The following LYPD8 variants were observed in gnomAD, a reference collection of about 807,000 sequenced individuals.
The protein encoded by LYPD8 is LY6/PLAUR domain containing 8.
A neutral mutation model predicts 1.7 loss-of-function variants in LYPD8; 8 were observed. The observed-to-expected ratio is 4.58, with a 90% CI of 2.69 to 8.27. The LOEUF is 8.27. Among genes scored for constraint, LYPD8 ranks in the 30% most tolerant of loss-of-function variants. The pLI, the probability that LYPD8 is intolerant of heterozygous loss-of-function variation, is 0.00. For missense variants in LYPD8, 112 were observed against 102.3 expected (o/e 1.09, Z -0.41); for synonymous variants, 50 against 43.6 (o/e 1.15, Z -0.58).
chr1:248,740,437 G>A (rs1273234942), intron 6 of LYPD8, among the ~76,000 whole-genome samples: 1 of 152,240 alleles, frequency 6.6e-6, no homozygotes, highest in East Asian at 1.9e-4. Flanking sequence ...TGAGATTCAT[G>A]TACTAGAAAA....
At chr1:248,750,381 C>A (rs2103171251) in intron 4 of LYPD8, 143 bp downstream of exon 4, 1 of 393,282 alleles carries the variant, frequency 2.5e-6, no homozygotes, top group Admixed American at 4.4e-5. Flanking sequence ...AGCGTTGTTT[C>A]TCCTGGGAGT....
chr1:248,754,216 T>C (rs975710143), intron 2 of LYPD8, among the ~76,000 whole-genome samples: 18,891 of 145,628 alleles, frequency 0.13, 1,763 homozygotes, highest in East Asian at 0.26. Context: ...AAATGCCACA[T>C]ACAACACACC....
chr1:248,749,548 C>T (rs1220769704), intron 4 of LYPD8, among the ~76,000 whole-genome samples: 3 of 152,252 alleles, frequency 2.0e-5, no homozygotes, highest in South Asian at 2.1e-4. Context: ...CATCATCCCA[C>T]GGCAGAAGGG....
intron 6 of LYPD8, among the ~76,000 whole-genome samples, chr1:248,743,497 G>C (rs1372247733): frequency 4.6e-5 from 7 of 152,166 alleles, no homozygotes; most frequent in African/African-American, 1.7e-4. Flanking sequence ...CGAAATAAGA[G>C]GTTCAGGATA....
intron 2 of LYPD8, among the ~76,000 whole-genome samples, chr1:248,753,118 CACACA>C (rs1453202755): frequency 2.0e-5 from 2 of 101,890 alleles, no homozygotes; most frequent in Non-Finnish European, 4.5e-5. Flanking sequence ...ACACACAACA[CACACA>C]ACACAACACA....
At chr1:248,754,228 C>T (rs1662888555) in intron 2 of LYPD8, among the ~76,000 whole-genome samples, 2 of 150,734 alleles carry the variant, frequency 1.3e-5, no homozygotes, top group Admixed American at 6.6e-5. Flanking sequence ...CAACACACCA[C>T]ACACATTAAA....
At chr1:248,754,448 A>G (rs1173311001) in intron 2 of LYPD8, among the ~76,000 whole-genome samples, 3 of 149,056 alleles carry the variant, frequency 2.0e-5, no homozygotes, top group African/African-American at 7.6e-5. Flanking sequence ...CACACGTCAA[A>G]CAAACCCCAC....
chr1:248,743,633 T>TA (rs528066767), intron 6 of LYPD8, among the ~76,000 whole-genome samples: 67 of 152,188 alleles, frequency 4.4e-4, no homozygotes, highest in African/African-American at 1.5e-3. Flanking sequence ...CTTAAACTCT[T>TA]ACGCTTTTGA....
At chr1:248,740,069 C>A (rs956939705) in intron 6 of LYPD8, among the ~76,000 whole-genome samples, 7 of 152,172 alleles carry the variant, frequency 4.6e-5, no homozygotes, top group Non-Finnish European at 7.3e-5. Flanking sequence ...TAGACTCCCA[C>A]CGCCACCTGA....
intron 6 of LYPD8, among the ~76,000 whole-genome samples, chr1:248,743,856 G>C (rs1019598466): frequency 1.3e-5 from 2 of 152,210 alleles, no homozygotes; most frequent in Non-Finnish European, 2.9e-5. Flanking sequence ...CCCGGTGAGT[G>C]GGGGCCAGAG....
intron 2 of LYPD8, among the ~76,000 whole-genome samples, chr1:248,753,341 CACACACCACACAACACACACATCACAT>C (rs1662862243): frequency 7.5e-6 from 1 of 133,854 alleles, no homozygotes; most frequent in African/African-American, 2.9e-5. Flanking sequence ...ACACACACCA[CACACACCACACAACACACACATCACAT>C]ACACACCACA....
At chr1:248,742,282 G>GT (rs1426286460) in intron 6 of LYPD8, among the ~76,000 whole-genome samples, 8 of 109,512 alleles carry the variant, frequency 7.3e-5, no homozygotes, top group East Asian at 5.9e-4. Flanking sequence ...GATGTTGGCA[G>GT]CGGGGGAGAT....
intron 2 of LYPD8, among the ~76,000 whole-genome samples, chr1:248,753,012 T>C (rs1400209576): frequency 2.8e-3 from 72 of 25,376 alleles, no homozygotes; most frequent in East Asian, 4.3e-3. Flanking sequence ...CACCACATCA[T>C]ACACACACCA....
chr1:248,743,692 A>G (rs937764747), intron 6 of LYPD8, among the ~76,000 whole-genome samples: 1 of 152,072 alleles, frequency 6.6e-6, no homozygotes, highest in Non-Finnish European at 1.5e-5. Flanking sequence ...TACAGCCAAG[A>G]TGACTGTCTT....
At chr1:248,750,712 G>GA (rs1442814154) in intron 3 of LYPD8, 69 bp from the exon 4 acceptor site, 156 of 398,318 alleles carry the variant, frequency 3.9e-4, no homozygotes, top group Non-Finnish European at 6.5e-4. Context: ...TCTACTCTAG[G>GA]AAAAGCACTG....
rs550298141 is a variant in LYPD8, at chr1:248,743,870, C to T, written c.475+1272G>A. Among the ~76,000 whole-genome samples the T allele has an allele frequency of 2.0e-5, 3 of 152,332 alleles. No homozygotes were observed. In the South Asian group the frequency reaches 6.2e-4, roughly 32 times the overall value. On this transcript the variant is annotated intron_variant, in intron 6 of 6. Transcript: ENST00000590317. ...ACCCGGTGAGTGGGGGCCAGAGCTA[C>T]AAGACAGAAGGAGCGCATGGCCTGG... is the stretch of plus-strand genomic sequence containing the variant.
At chr1:248,749,357 A>G (rs1662759685) in intron 4 of LYPD8, among the ~76,000 whole-genome samples, 2 of 152,268 alleles carry the variant, frequency 1.3e-5, no homozygotes, top group Non-Finnish European at 1.5e-5. Context: ...AGAAGAAATT[A>G]AAGAATTACA....
At chr1:248,750,076 C>T (rs1210341326) in intron 4 of LYPD8, among the ~76,000 whole-genome samples, 1 of 152,086 alleles carries the variant, frequency 6.6e-6, no homozygotes, top group Non-Finnish European at 1.5e-5. Context: ...AAGAAGAAAT[C>T]TAAGTGCTCT....
At chr1:248,753,077 CCCACACCACACTACACACACA>C (rs1639547328) in intron 2 of LYPD8, among the ~76,000 whole-genome samples, 3 of 111,588 alleles carry the variant, frequency 2.7e-5, no homozygotes, top group Non-Finnish European at 5.2e-5. Flanking sequence ...CCCCACACAC[CCCACACCACACTACACACACA>C]CCACACACCA....
Sources: allele counts gnomAD v4.1 joint callset (sites outside exome capture counted in the v4.1 genomes callset), GRCh38; gene constraint gnomAD v4.1.1; transcripts MANE v1.5; gene names NCBI Gene and HGNC (gene_info 2026-07-23, HGNC 2026-07-21).